PHLPP1: variants seen among roughly 807,000 people sequenced by gnomAD.
PHLPP1 encodes PH domain leucine-rich repeat-containing protein phosphatase 1.
In PHLPP1, 42 loss-of-function variants were observed where a neutral mutation model predicts 117.2. The ratio of observed to expected loss-of-function variants is 0.36; its 90% CI spans 0.28 to 0.46. The LOEUF (loss-of-function observed/expected upper bound fraction) is 0.46. PHLPP1 is among the 20% of genes least tolerant of loss of function. The pLI is 1.00. For missense variants in PHLPP1, 2,084 were observed against 2,241.9 expected, an observed-to-expected ratio of 0.93 and a Z score of 1.42; for synonymous variants, 1,042 against 970.7, an observed-to-expected ratio of 1.07 and a Z score of -1.37.
chr18:62,855,833 A>G (rs1249557425), intron 3 of PHLPP1, among the ~76,000 whole-genome samples: 2 of 152,198 alleles, frequency 1.3e-5, no homozygotes, highest in Non-Finnish European at 2.9e-5. Context: ...TTGCCAAATG[A>G]AAGGATGCAC....
At chr18:62,908,604 TA>T (rs1916907336) in intron 8 of PHLPP1, among the ~76,000 whole-genome samples, 1 of 22,388 alleles carries the variant, frequency 4.5e-5, no homozygotes, top group Non-Finnish European at 8.6e-5. Flanking sequence ...CTAACTATCC[TA>T]AATATTTATG....
chr18:62,819,584 A>T (rs1914387190), intron 1 of PHLPP1, among the ~76,000 whole-genome samples: 1 of 152,228 alleles, frequency 6.6e-6, no homozygotes, highest in South Asian at 2.1e-4. Context: ...GTTTCAGTTA[A>T]AAGACAGATT....
intron 1 of PHLPP1, chr18:62,824,184 C>A (rs1163260824): frequency 8.8e-6 from 4 of 455,590 alleles, no homozygotes; most frequent in Non-Finnish European, 8.8e-6. Flanking sequence ...GAACTCTCTG[C>A]ACTGGTGCTG....
chr18:62,775,393 C>T (rs1912920631), intron 1 of PHLPP1, among the ~76,000 whole-genome samples: 2 of 152,230 alleles, frequency 1.3e-5, no homozygotes, highest in Non-Finnish European at 1.5e-5. Flanking sequence ...GCCACCGCGC[C>T]CAGCCCACTA....
chr18:62,793,372 T>G (rs557119713), intron 1 of PHLPP1, among the ~76,000 whole-genome samples: 2 of 152,336 alleles, frequency 1.3e-5, no homozygotes, highest in South Asian at 4.1e-4. Context: ...TGCTGCTGTT[T>G]CGCCTTCATA....
chr18:62,834,286 A>G (rs1172007989), intron 2 of PHLPP1, among the ~76,000 whole-genome samples: 1 of 152,202 alleles, frequency 6.6e-6, no homozygotes, highest in Non-Finnish European at 1.5e-5. Flanking sequence ...CTCATTGGCC[A>G]GAACTAGTCA....
At chr18:62,887,025 T>C (rs745879878) in intron 4 of PHLPP1, among the ~76,000 whole-genome samples, 1 of 152,180 alleles carries the variant, frequency 6.6e-6, no homozygotes, top group African/African-American at 2.4e-5. Flanking sequence ...GTAAATATAG[T>C]GTTCAGAATA....
intron 10 of PHLPP1, among the ~76,000 whole-genome samples, chr18:62,935,265 A>G (rs1909937507): frequency 6.6e-6 from 1 of 152,248 alleles, no homozygotes; most frequent in African/African-American, 2.4e-5. Context: ...TTATATTGGT[A>G]GTGAAAATCC....
chr18:62,971,373 T>TC (rs1010738074), intron 14 of PHLPP1, among the ~76,000 whole-genome samples: 4 of 151,822 alleles, frequency 2.6e-5, no homozygotes, highest in Non-Finnish European at 5.9e-5. Context: ...TTTTTTTTTT[T>TC]CCCAGTCTTT....
chr18:62,860,110 C>T (rs1915595457), intron 3 of PHLPP1, among the ~76,000 whole-genome samples: 1 of 152,140 alleles, frequency 6.6e-6, no homozygotes, highest in Admixed American at 6.6e-5. Flanking sequence ...ATACTGTGGG[C>T]AGTTGTAACA....
chr18:62,928,942 A>G (rs1367894247), intron 10 of PHLPP1, among the ~76,000 whole-genome samples: 1 of 152,212 alleles, frequency 6.6e-6, no homozygotes, highest in Admixed American at 6.5e-5. Context: ...GGATTTGGCA[A>G]ATCCATACAG....
rs1487300298 is a variant in PHLPP1 at position 62,715,805 on chromosome 18, T to C, written c.122T>C (p.Leu41Pro). The stretch of plus-strand genomic sequence containing the variant: ...GCAGCAGCGGCGGCCGCGGCGGCTC[T>C]GGCGGCGGCGGCCGGGGGCGGCCGG... Reference protein sequence around the residue: ...AAAAAAAAAALAAAAGGGRSP... With the variant: ...AAAAAAAAAAPAAAAGGGRSP... Residue 41 changes from leucine to proline, a missense_variant, in exon 1 of 17, where the codon CTG (leucine) becomes CCG (proline). Physicochemically the swap from Leu to Pro is moderately conservative, Grantham distance 98. This residue lies in a region of PHLPP1 where 719 missense variants were observed against 636.0 expected (regional missense o/e 1.13). Coordinates refer to ENST00000262719, the MANE Select transcript of PHLPP1 (RefSeq NM_194449.4). 2 of 728,684 alleles carry C rather than the reference T, an allele frequency of 2.7e-6. No homozygotes were observed. Among genetic ancestry groups the C allele is most frequent in the Non-Finnish European group, 3.4e-6 (2 of 591,218 alleles). 45.1% of individuals were successfully genotyped at this position (728,684 alleles called of 1,614,324 possible). A position where few individuals can be genotyped will look rare whatever the true frequency, so the allele number is the denominator to read the frequency against.
intron 4 of PHLPP1, among the ~76,000 whole-genome samples, chr18:62,869,641 A>G (rs1217168924): frequency 1.3e-5 from 2 of 152,222 alleles, no homozygotes; most frequent in African/African-American, 4.8e-5. Context: ...AAAAAGCAAA[A>G]CAAAGCATAC....
chr18:62,855,848 T>C (rs1235051902), intron 3 of PHLPP1, among the ~76,000 whole-genome samples: 4 of 152,208 alleles, frequency 2.6e-5, no homozygotes, highest in Admixed American at 2.0e-4. Context: ...ATGCACTAGA[T>C]GCAGAGGCCG....
rs1568141077 is a variant in PHLPP1 at position 62,860,416 on chromosome 18, A to C, written c.1900-19A>C. The stretch of plus-strand genomic sequence containing the variant: ...AGGATAAGTGGATGGTATTAAAATT[A>C]AGTTTTATCCCCCTTTAGGTTGCAT... On this transcript the variant is annotated intron_variant, in intron 3 of 16. Coordinates refer to ENST00000262719, the MANE Select transcript of PHLPP1 (RefSeq NM_194449.4). The C allele has an allele frequency of 6.2e-7, 1 of 1,608,622 alleles. No homozygotes were observed. Among genetic ancestry groups the C allele is most frequent in the Non-Finnish European group, 8.5e-7 (1 of 1,175,756 alleles).
chr18:62,922,691 A>G (rs1349957803), intron 10 of PHLPP1, among the ~76,000 whole-genome samples: 3 of 152,218 alleles, frequency 2.0e-5, no homozygotes, highest in African/African-American at 7.2e-5. Flanking sequence ...CAATTCTGGT[A>G]AGTTCACAAC....
chr18:62,879,563 C>T (rs778644896), intron 4 of PHLPP1, among the ~76,000 whole-genome samples: 1 of 152,118 alleles, frequency 6.6e-6, no homozygotes, highest in Non-Finnish European at 1.5e-5. Flanking sequence ...AGGCGTGTGC[C>T]ACCACGCTGG....
At chr18:62,944,156 G>T (rs1043527582) in intron 11 of PHLPP1, among the ~76,000 whole-genome samples, 1 of 151,950 alleles carries the variant, frequency 6.6e-6, no homozygotes, top group East Asian at 1.9e-4. Context: ...CTATTATTCA[G>T]CTTATGAGTC....
chr18:62,915,137 A>T (rs545778443), intron 9 of PHLPP1, 129 bp downstream of exon 9: 1 of 647,084 alleles, frequency 1.5e-6, no homozygotes, highest in East Asian at 2.8e-5. Flanking sequence ...GGTGTCTTTT[A>T]CCCCATGTGG....
Sources: allele counts gnomAD v4.1 joint callset (sites outside exome capture counted in the v4.1 genomes callset), GRCh38; gene constraint gnomAD v4.1.1; regional missense constraint gnomAD v4.1.1; transcripts MANE v1.5; gene names NCBI Gene and HGNC (gene_info 2026-07-23, HGNC 2026-07-21).